ARHGAP15: variants seen among roughly 807,000 people sequenced by gnomAD.
ARHGAP15 encodes the protein Rho GTPase activating protein 15.
Under a neutral mutation model 63.7 loss-of-function variants are expected in ARHGAP15, and 51 were observed. The observed-to-expected ratio is 0.80, with a 90% CI of 0.64 to 1.01. The LOEUF is 1.01. Ranked by LOEUF, ARHGAP15 falls within the 50% of genes least tolerant of loss-of-function variation. The probability of loss-of-function intolerance (pLI) is 0.00; values close to 1 mark genes in which losing one functional copy is unlikely to be tolerated. For synonymous variants in ARHGAP15, 191 were observed against 193.8 expected (o/e 0.99, Z 0.12); for missense variants, 560 against 564.6 (o/e 0.99, Z 0.08).
chr2:143,744,949 G>A (rs558631157), intron 13 of ARHGAP15, among the ~76,000 whole-genome samples: 158 of 152,208 alleles, frequency 1.0e-3, no homozygotes, highest in Admixed American at 1.2e-3. Context: ...CACCTGAAGG[G>A]ATCACCAAGA....
chr2:143,218,020 A>G (rs1440428344), intron 4 of ARHGAP15, among the ~76,000 whole-genome samples: 2 of 152,148 alleles, frequency 1.3e-5, no homozygotes, highest in East Asian at 3.9e-4. Context: ...CTTATAACAT[A>G]CAGAAGGCAG....
chr2:143,629,332 C>A (rs1223018902), intron 12 of ARHGAP15, among the ~76,000 whole-genome samples: 4 of 152,082 alleles, frequency 2.6e-5, no homozygotes, highest in Non-Finnish European at 5.9e-5. Flanking sequence ...ATCTGAAATT[C>A]TATACTTGAG....
At chr2:143,457,567 AT>A (rs1690722619) in intron 8 of ARHGAP15, among the ~76,000 whole-genome samples, 1 of 150,472 alleles carries the variant, frequency 6.6e-6, no homozygotes, top group Admixed American at 6.7e-5. Context: ...GTAAAACTAT[AT>A]TTTACATATT....
At chr2:143,660,002 A>G (rs73961824) in intron 12 of ARHGAP15, among the ~76,000 whole-genome samples, 2,063 of 152,214 alleles carry the variant, frequency 0.014, 44 homozygotes, top group African/African-American at 0.046. Context: ...TTTTCCTACC[A>G]TTGTTCCTAA....
chr2:143,202,253 C>A (rs1692150942), intron 3 of ARHGAP15, 51 bp downstream of exon 3: 1 of 1,465,686 alleles, frequency 6.8e-7, no homozygotes, highest in Non-Finnish European at 9.6e-7. Context: ...AAATAAATTG[C>A]CACAAAACTC....
chr2:143,176,203 A>G (rs980508434), intron 2 of ARHGAP15, among the ~76,000 whole-genome samples: 1 of 152,190 alleles, frequency 6.6e-6, no homozygotes, highest in African/African-American at 2.4e-5. Flanking sequence ...ATTTACAAAA[A>G]TTATTTAATA....
At chr2:143,392,459 T>A (rs1399644272) in intron 6 of ARHGAP15, among the ~76,000 whole-genome samples, 1 of 152,214 alleles carries the variant, frequency 6.6e-6, no homozygotes, top group Non-Finnish European at 1.5e-5. Flanking sequence ...TAAAATCCTA[T>A]ACATACAATT....
At chr2:143,503,029 A>T (rs1220492321) in intron 9 of ARHGAP15, among the ~76,000 whole-genome samples, 1 of 152,226 alleles carries the variant, frequency 6.6e-6, no homozygotes, top group African/African-American at 2.4e-5. Context: ...CCAACTTGGC[A>T]TACCATCTGC....
chr2:143,227,465 G>A (rs560613622), intron 4 of ARHGAP15, among the ~76,000 whole-genome samples: 95 of 152,196 alleles, frequency 6.2e-4, no homozygotes, highest in African/African-American at 2.1e-3. Flanking sequence ...GGAGGATAGA[G>A]GTGAAATTTA....
chr2:143,211,047 T>C (rs972333985), intron 3 of ARHGAP15, among the ~76,000 whole-genome samples: 44 of 152,216 alleles, frequency 2.9e-4, no homozygotes, highest in African/African-American at 9.4e-4. Flanking sequence ...CTATTAGTAC[T>C]TTATATGATG....
At chr2:143,278,687 A>C (rs1681689658) in intron 6 of ARHGAP15, among the ~76,000 whole-genome samples, 1 of 152,104 alleles carries the variant, frequency 6.6e-6, no homozygotes. Context: ...ACAACTACTT[A>C]AATAATACTA....
chr2:143,275,134 G>C (rs1452004416), intron 6 of ARHGAP15, among the ~76,000 whole-genome samples: 1 of 152,108 alleles, frequency 6.6e-6, no homozygotes, highest in Non-Finnish European at 1.5e-5. Flanking sequence ...CTCCAGCCCG[G>C]ACAACAGAGA....
At chr2:143,686,431 C>G (rs1047357504) in intron 12 of ARHGAP15, among the ~76,000 whole-genome samples, 4 of 135,212 alleles carry the variant, frequency 3.0e-5, no homozygotes, top group African/African-American at 1.1e-4. Flanking sequence ...TTGCAAAGCA[C>G]TACTCTCAAT....
intron 6 of ARHGAP15, among the ~76,000 whole-genome samples, chr2:143,345,644 AT>A (rs1015578860): frequency 6.6e-6 from 1 of 151,978 alleles, no homozygotes; most frequent in African/African-American, 2.4e-5. Flanking sequence ...AGTTTCTTTC[AT>A]TTTTTTGCAG....
chr2:143,270,215 C>T (rs1380118464), intron 6 of ARHGAP15, among the ~76,000 whole-genome samples: 2 of 152,184 alleles, frequency 1.3e-5, no homozygotes, highest in African/African-American at 4.8e-5. Context: ...AGGTGATCCA[C>T]CTGCCTCTGC....
intron 6 of ARHGAP15, among the ~76,000 whole-genome samples, chr2:143,404,308 A>G (rs1252875625): frequency 2.0e-5 from 3 of 151,942 alleles, no homozygotes; most frequent in Admixed American, 2.0e-4. Flanking sequence ...TGATAGAATT[A>G]TGAAAGTCCG....
chr2:143,247,154 G>A (rs1694071123), intron 5 of ARHGAP15: 1 of 152,252 alleles, frequency 6.6e-6, no homozygotes, highest in African/African-American at 2.4e-5. Flanking sequence ...CCCTCATCCA[G>A]TCTCGTGGAT....
At chr2:143,193,741 C>T (rs1691766802) in intron 2 of ARHGAP15, among the ~76,000 whole-genome samples, 2 of 152,128 alleles carry the variant, frequency 1.3e-5, no homozygotes, top group Admixed American at 6.5e-5. Flanking sequence ...ACTTTTCCAC[C>T]TTTGCATTAA....
rs543893221 is a variant in ARHGAP15, at chr2:143,731,266, T to C, written c.1244+27742T>C. ...AGGCATTTGAGCTCCAACTGACTAA[T>C]TATTCTAGGTCGTTAAATACAGTTA... On this transcript the variant is annotated intron_variant, in intron 13 of 13. Transcript: ENST00000295095. Among the ~76,000 whole-genome samples the C allele has an allele frequency of 4.6e-5, 7 of 152,284 alleles. No individual in the cohort carries two copies. The East Asian group carries it at 9.6e-4, about 21-fold the overall frequency.
Sources: allele counts gnomAD v4.1 joint callset (sites outside exome capture counted in the v4.1 genomes callset), GRCh38; gene constraint gnomAD v4.1.1; transcripts MANE v1.5; gene names NCBI Gene and HGNC (gene_info 2026-07-23, HGNC 2026-07-21).